NXPH1: variants seen among roughly 807,000 people sequenced by gnomAD.
NXPH1 encodes neurexophilin 1.
Under a neutral mutation model 23.7 loss-of-function variants are expected in NXPH1, and 5 were observed. The ratio of observed to expected loss-of-function variants is 0.21; its 90% CI spans 0.11 to 0.44. The LOEUF is 0.44. NXPH1 is among the 20% of genes least tolerant of loss of function. The pLI, the probability that NXPH1 is intolerant of heterozygous loss-of-function variation, is 0.99. For synonymous variants in NXPH1, 144 were observed against 122.2 expected (o/e 1.18, Z -1.18); for missense variants, 324 against 321.6 (o/e 1.01, Z -0.06).
chr7:8,656,850 A>C lies in NXPH1; in HGVS notation c.55-94158A>C, dbSNP rs112596477. ...ACAATGATGATTTCCAATTTCATCC[A>C]TGTCCCTAGAGTTAATGTTTAAACT... On this transcript the variant is annotated intron_variant, in intron 2 of 2. Coordinates refer to ENST00000405863, the MANE Select transcript of NXPH1 (RefSeq NM_152745.3). 1.2e-3 allele frequency among the ~76,000 whole-genome samples: 187 copies of C among 152,316 alleles called. 1 individual carries two copies. Among genetic ancestry groups the C allele is most frequent in the Non-Finnish European group, 1.9e-3 (132 of 68,034 alleles).
chr7:8,481,048 A>C (rs983663418), intron 2 of NXPH1, among the ~76,000 whole-genome samples: 2 of 152,164 alleles, frequency 1.3e-5, no homozygotes, highest in Non-Finnish European at 2.9e-5. Flanking sequence ...TCACACATGT[A>C]CTATATTGTG....
Position 8,597,865 on chromosome 7 carries a change from C to T in NXPH1, c.55-153143C>T, listed in dbSNP as rs139631811. Among the ~76,000 whole-genome samples the T allele has an allele frequency of 3.2e-3, 481 of 152,168 alleles. 4 individuals are homozygous for T. The highest frequency in any genetic ancestry group is 0.011 in the African/African-American group (452 of 41,532). On this transcript the variant is annotated intron_variant, in intron 2 of 2. Coordinates refer to ENST00000405863, the MANE Select transcript of NXPH1 (RefSeq NM_152745.3). The stretch of plus-strand genomic sequence containing the variant: ...ACTTTGATTTGGCCAATTGAAATGC[C>T]CTTTTAGCAAACAAGTGGCACTACC...
intron 2 of NXPH1, among the ~76,000 whole-genome samples, chr7:8,737,015 C>T (rs780724141): frequency 2.6e-5 from 4 of 151,462 alleles, no homozygotes; most frequent in African/African-American, 7.3e-5. Flanking sequence ...TTATTTTGAG[C>T]GTGCGTGTGT....
intron 2 of NXPH1, among the ~76,000 whole-genome samples, chr7:8,520,286 C>G (rs1166424926): frequency 6.6e-6 from 1 of 152,180 alleles, no homozygotes. Context: ...CTGACTTTTT[C>G]AGACAATTCA....
intron 2 of NXPH1, among the ~76,000 whole-genome samples, chr7:8,608,833 C>T (rs918137095): frequency 5.9e-5 from 9 of 152,018 alleles, no homozygotes; most frequent in Admixed American, 1.3e-4. Flanking sequence ...TCCAAAGAGT[C>T]ATATTGTAAG....
At position 8,751,922 on chromosome 7, in the gene NXPH1, C is replaced by G. The variant is rs1780571361; in HGVS notation, c.*153C>G. 1.5e-6 allele frequency: 1 copy of G among 680,338 alleles called. No individual in the cohort carries two copies. Among genetic ancestry groups the G allele is most frequent in the African/African-American group, 1.8e-5 (1 of 55,438 alleles). The allele number at this position is 680,338 out of a possible 1,614,324, so 42.1% of individuals were successfully genotyped here. ...GCAAAATACACTAGTGGAAAACACT[C>G]TGATGTAATTTCTGCCCAGTCAGCT... On this transcript the variant is annotated 3_prime_UTR_variant, in exon 3 of 3. Transcript: ENST00000405863. The surrounding 1 kb of genome is among the most constrained non-coding windows in gnomAD (Gnocchi z 4.5).
At chr7:8,646,929 A>AG (rs1195154710) in intron 2 of NXPH1, among the ~76,000 whole-genome samples, 3 of 151,212 alleles carry the variant, frequency 2.0e-5, no homozygotes, top group Middle Eastern at 3.2e-3. Context: ...GGGCATGGGG[A>AG]GCTGGGAGGG....
chr7:8,516,576 A>G (rs1817691411), intron 2 of NXPH1, among the ~76,000 whole-genome samples: 2 of 152,164 alleles, frequency 1.3e-5, no homozygotes, highest in African/African-American at 2.4e-5. Context: ...AAGTTGATCA[A>G]TAAAAGTGAT....
intron 2 of NXPH1, among the ~76,000 whole-genome samples, chr7:8,679,561 C>T (rs545669130): frequency 9.2e-5 from 14 of 152,220 alleles, no homozygotes; most frequent in African/African-American, 3.4e-4. Flanking sequence ...TGTCAATTTT[C>T]CCTCAATGTT....
intron 2 of NXPH1, among the ~76,000 whole-genome samples, chr7:8,485,335 T>C (rs1817141498): frequency 6.6e-6 from 1 of 152,178 alleles, no homozygotes; most frequent in African/African-American, 2.4e-5. Flanking sequence ...TTAAACCTTT[T>C]TCTTTTATAA....
chr7:8,625,867 A>G (rs1320460941), intron 2 of NXPH1, among the ~76,000 whole-genome samples: 3 of 152,200 alleles, frequency 2.0e-5, no homozygotes, highest in Non-Finnish European at 2.9e-5. Context: ...ACAGCCTTCC[A>G]TTAGATAAAT....
chr7:8,657,281 G>A lies in NXPH1; in HGVS notation c.55-93727G>A, dbSNP rs1583217310. 5.3e-5 allele frequency among the ~76,000 whole-genome samples: 8 copies of A among 152,322 alleles called. No homozygotes were observed. In the South Asian group the frequency reaches 1.5e-3, roughly 28 times the overall value. ...CAAAGAAATGTTACAAGGAAAATGGGCTATGAGCTCAGAATTGAGAGGAAT... is the reference window on the plus strand; with the variant it reads ...CAAAGAAATGTTACAAGGAAAATGGACTATGAGCTCAGAATTGAGAGGAAT... On this transcript the variant is annotated intron_variant, in intron 2 of 2. Transcript: ENST00000405863.
chr7:8,461,836 C>CAAAAAAAAAAAAAAAAAA (rs748848772), intron 2 of NXPH1, among the ~76,000 whole-genome samples: 1 of 41,762 alleles, frequency 2.4e-5, no homozygotes, highest in African/African-American at 8.6e-5. Flanking sequence ...GACTCCGTCT[C>CAAAAAAAAAAAAAAAAAA]AAAAAAAAAA....
intron 2 of NXPH1, among the ~76,000 whole-genome samples, chr7:8,722,562 G>C (rs917624772): frequency 6.6e-6 from 1 of 152,122 alleles, no homozygotes; most frequent in Non-Finnish European, 1.5e-5. Context: ...TCTTTTTTAG[G>C]GGTTTGCAAA....
At chr7:8,447,709 C>T (rs1419732232) in intron 2 of NXPH1, among the ~76,000 whole-genome samples, 1 of 152,206 alleles carries the variant, frequency 6.6e-6, no homozygotes, top group African/African-American at 2.4e-5. Context: ...GTGTTTAATC[C>T]TGCCTTGCAT....
At chr7:8,461,157 T>C (rs1308988684) in intron 2 of NXPH1, among the ~76,000 whole-genome samples, 1 of 152,190 alleles carries the variant, frequency 6.6e-6, no homozygotes, top group Non-Finnish European at 1.5e-5. Flanking sequence ...AAGAGAACAT[T>C]TGGGGAGTGA....
chr7:8,481,913 C>T (rs1403516814), intron 2 of NXPH1, among the ~76,000 whole-genome samples: 3 of 152,178 alleles, frequency 2.0e-5, no homozygotes, highest in African/African-American at 7.2e-5. Context: ...AGATCACACT[C>T]AGTGCTGGCA....
intron 2 of NXPH1, among the ~76,000 whole-genome samples, chr7:8,681,236 A>G (rs975565246): frequency 2.0e-5 from 3 of 152,358 alleles, no homozygotes; most frequent in Non-Finnish European, 4.4e-5. Flanking sequence ...CCTTTCTACC[A>G]TATCACACCA....
At position 8,752,210 on chromosome 7, in the gene NXPH1, C is replaced by T. The variant is rs1780577143; in HGVS notation, c.*441C>T. 1 of 163,570 alleles carries T rather than the reference C, an allele frequency of 6.1e-6. No individual in the cohort carries two copies. Among genetic ancestry groups the T allele is most frequent in the South Asian group, 1.6e-4 (1 of 6,122 alleles). The allele number at this position is 163,570 out of a possible 1,614,324, so 10.1% of individuals were successfully genotyped here. A position where few individuals can be genotyped will look rare whatever the true frequency, so the allele number is the denominator to read the frequency against. ...TTTAAAGTCTTGAGTACATGCTAAT[C>T]AATAATCTCCACTCATGCATTCCTA... On this transcript the variant is annotated 3_prime_UTR_variant, in exon 3 of 3. Coordinates refer to ENST00000405863, the MANE Select transcript of NXPH1 (RefSeq NM_152745.3).
Sources: allele counts gnomAD v4.1 joint callset (sites outside exome capture counted in the v4.1 genomes callset), GRCh38; gene constraint gnomAD v4.1.1; non-coding constraint Gnocchi (gnomAD v3.1); transcripts MANE v1.5; gene names NCBI Gene and HGNC (gene_info 2026-07-23, HGNC 2026-07-21).